EGFR: variants seen among roughly 807,000 people sequenced by gnomAD.
The protein encoded by EGFR is avian erythroblastic leukemia viral (v-erb-b) oncogene homolog.
A neutral mutation model predicts 143.0 loss-of-function variants in EGFR; 58 were observed. The ratio of observed to expected loss-of-function variants is 0.41; its 90% CI spans 0.33 to 0.50. The LOEUF is 0.50. Among genes scored for constraint, EGFR ranks in the 20% least tolerant of loss-of-function variants. EGFR has a pLI of 0.39. For synonymous variants in EGFR, 613 were observed against 594.4 expected, an observed-to-expected ratio of 1.03 and a Z score of -0.45; for missense variants, 1,307 against 1,579.0, an observed-to-expected ratio of 0.83 and a Z score of 2.92.
At chr7:55,179,736 G>A (rs845556) in intron 19 of EGFR, 51,885 of 152,126 alleles carry the variant, frequency 0.34, 9,145 homozygotes, top group East Asian at 0.59. Context: ...AATGAAAAAC[G>A]TTGGGGAAAA....
At chr7:55,079,202 T>C (rs866205609) in intron 1 of EGFR, among the ~76,000 whole-genome samples, 3 of 151,656 alleles carry the variant, frequency 2.0e-5, no homozygotes, top group Admixed American at 6.6e-5. Flanking sequence ...GGACTCGAGA[T>C]GGGGAAGGAA....
chr7:55,112,946 G>T (rs1284849186), intron 1 of EGFR, among the ~76,000 whole-genome samples: 1 of 152,152 alleles, frequency 6.6e-6, no homozygotes, highest in Admixed American at 6.5e-5. Context: ...TTATCTTGAC[G>T]ATCCAGAGAT....
chr7:55,161,531 T>C lies in EGFR; in HGVS notation c.1531T>C (p.Ser511Pro). 1 of 1,614,190 alleles carries C rather than the reference T, an allele frequency of 6.2e-7. No homozygotes were observed. Residue 511 changes from serine to proline, a missense_variant, in exon 13 of 28, where the codon TCC becomes CCC. Ser to Pro is a moderately conservative substitution (Grantham distance 74). This residue lies in a region of EGFR where 250 missense variants were observed against 295.1 expected (regional missense o/e 0.85). Transcript: ENST00000275493. Reference sequence around the variant, plus strand: ...AGGCCAGGTCTGCCATGCCTTGTGCTCCCCCGAGGGCTGCTGGGGCCCGGA... The same window carrying C: ...AGGCCAGGTCTGCCATGCCTTGTGCCCCCCCGAGGGCTGCTGGGGCCCGGA... ...ATGQVCHALC[S>P]PEGCWGPEPR...
intron 5 of EGFR, among the ~76,000 whole-genome samples, chr7:55,151,918 A>G (rs2075112): frequency 0.63 from 95,158 of 152,110 alleles, 30,677 homozygotes; most frequent in African/African-American, 0.79. Flanking sequence ...AACATCAGCA[A>G]GTACCCCAGC....
chr7:55,099,494 A>G (rs944867863), intron 1 of EGFR, among the ~76,000 whole-genome samples: 1 of 152,218 alleles, frequency 6.6e-6, no homozygotes, highest in African/African-American at 2.4e-5. Flanking sequence ...TGAAATCGCT[A>G]AGCAGGACAT....
At chr7:55,155,278 C>T (rs1270758890) in intron 7 of EGFR, among the ~76,000 whole-genome samples, 1 of 152,176 alleles carries the variant, frequency 6.6e-6, no homozygotes, top group Admixed American at 6.5e-5. Context: ...CTCGTCTCTA[C>T]TAAAAATACA....
At chr7:55,168,519 C>G (rs2128949416) in intron 15 of EGFR, 1 of 1,538,068 alleles carries the variant, frequency 6.5e-7, no homozygotes, top group Middle Eastern at 1.7e-4. Context: ...CTATTTTTTC[C>G]CAGGTCCTAA....
At chr7:55,069,583 C>G (rs1174900871) in intron 1 of EGFR, among the ~76,000 whole-genome samples, 1 of 152,206 alleles carries the variant, frequency 6.6e-6, no homozygotes, top group African/African-American at 2.4e-5. Context: ...GACCAGACTC[C>G]AGCTTGGCTT....
Position 55,142,296 on chromosome 7 carries a change from C to A in EGFR, c.99C>A (p.Gly33=), listed in dbSNP as rs1318525607. 1 of 1,614,078 alleles carries A rather than the reference C, an allele frequency of 6.2e-7. No homozygotes were observed. The highest frequency in any genetic ancestry group is 8.5e-7 in the Non-Finnish European group (1 of 1,180,046). Residue 33 remains glycine (G), a synonymous_variant, in exon 2 of 28, where the codon GGC becomes GGA. Transcript: ENST00000275493. ...RALEEKKVCQ[G]TSNKLTQLGT... ...GTCTTTTTCTTCCAGTTTGCCAAGG[C>A]ACGAGTAACAAGCTCACGCAGTTGG...
chr7:55,130,542 C>T (rs1453474709), intron 1 of EGFR, among the ~76,000 whole-genome samples: 1 of 152,168 alleles, frequency 6.6e-6, no homozygotes, highest in African/African-American at 2.4e-5. Context: ...TGTCTTCACA[C>T]TGCTACATCC....
intron 4 of EGFR, among the ~76,000 whole-genome samples, chr7:55,147,465 T>C (rs1288076914): frequency 6.7e-6 from 1 of 149,046 alleles, no homozygotes; most frequent in African/African-American, 2.5e-5. Context: ...TCTTTGTTTC[T>C]CCACAACTGT....
At chr7:55,102,090 A>T (rs762399406) in intron 1 of EGFR, among the ~76,000 whole-genome samples, 3 of 152,040 alleles carry the variant, frequency 2.0e-5, no homozygotes, top group Non-Finnish European at 2.9e-5. Flanking sequence ...ACCTCTCTGA[A>T]CGTGTTCCCT....
rs184823648 is a variant in EGFR at position 55,106,582 on chromosome 7, T to A, written c.89-35704T>A. On this transcript the variant is annotated intron_variant, in intron 1 of 27. Coordinates refer to ENST00000275493, the MANE Select transcript of EGFR (RefSeq NM_005228.5). ...CTCCAAAAATCAGGCCTGCACTGCC[T>A]GTGCACTCCACAATCCACAGGCCTG... Among the ~76,000 whole-genome samples the A allele has an allele frequency of 3.4e-3, 519 of 152,348 alleles. 1 individual carries two copies. The highest frequency in any genetic ancestry group is 0.012 in the African/African-American group (504 of 41,580).
chr7:55,103,869 C>A (rs1791966260), intron 1 of EGFR, among the ~76,000 whole-genome samples: 1 of 152,204 alleles, frequency 6.6e-6, no homozygotes, highest in Admixed American at 6.5e-5. Context: ...ATAAAGGATG[C>A]TGCATAGAAG....
intron 22 of EGFR, among the ~76,000 whole-genome samples, chr7:55,193,221 G>C (rs1409890278): frequency 1.3e-5 from 2 of 152,138 alleles, no homozygotes; most frequent in African/African-American, 4.8e-5. Flanking sequence ...GAATAGTTCC[G>C]GTAGAGAAAT....
chr7:55,157,896 G>C (rs1231069375), intron 11 of EGFR, 143 bp downstream of exon 11: 5 of 840,572 alleles, frequency 5.9e-6, no homozygotes, highest in East Asian at 2.7e-5. Flanking sequence ...ACATGAGCAG[G>C]CACAGGGAGC....
chr7:55,134,976 C>T (rs1794057587), intron 1 of EGFR, among the ~76,000 whole-genome samples: 1 of 152,174 alleles, frequency 6.6e-6, no homozygotes, highest in South Asian at 2.1e-4. Flanking sequence ...GGCTAGAGAT[C>T]ATCCCATAAT....
chr7:55,060,076 G>A (rs1251677793), intron 1 of EGFR, among the ~76,000 whole-genome samples: 3 of 152,298 alleles, frequency 2.0e-5, no homozygotes, highest in East Asian at 1.9e-4. Flanking sequence ...ACCTACAGAC[G>A]ATTCTGAGAA....
intron 1 of EGFR, among the ~76,000 whole-genome samples, chr7:55,032,673 G>A (rs1321584840): frequency 6.6e-6 from 1 of 152,106 alleles, no homozygotes; most frequent in African/African-American, 2.4e-5. Flanking sequence ...TTACTATTTT[G>A]CAGCAGATAT....
Sources: allele counts gnomAD v4.1 joint callset (sites outside exome capture counted in the v4.1 genomes callset), GRCh38; gene constraint gnomAD v4.1.1; regional missense constraint gnomAD v4.1.1; transcripts MANE v1.5; gene names NCBI Gene and HGNC (gene_info 2026-07-23, HGNC 2026-07-21).